CADM2: variants seen among roughly 807,000 people sequenced by gnomAD.
CADM2 encodes the protein immunoglobulin superfamily member 4D.
In CADM2, 12 loss-of-function variants were observed where a neutral mutation model predicts 49.8. The ratio of observed to expected loss-of-function variants is 0.24; its 90% CI spans 0.15 to 0.39. CADM2 has a LOEUF of 0.39. CADM2 is among the 10% of genes least tolerant of loss of function. CADM2 has a pLI of 1.00. For synonymous variants in CADM2, 214 were observed against 175.4 expected (o/e 1.22, Z -1.74); for missense variants, 378 against 492.3 (o/e 0.77, Z 2.20).
intron 1 of CADM2, among the ~76,000 whole-genome samples, chr3:85,586,550 C>T (rs2062951698): frequency 6.6e-6 from 1 of 152,038 alleles, no homozygotes; most frequent in South Asian, 2.1e-4. Flanking sequence ...AATACAGTTA[C>T]AAATATTTCC....
chr3:85,902,083 T>C (rs1401676328), intron 5 of CADM2, among the ~76,000 whole-genome samples: 1 of 152,110 alleles, frequency 6.6e-6, no homozygotes. Context: ...AAAACTCTGC[T>C]ATAAAAATTT....
intron 1 of CADM2, among the ~76,000 whole-genome samples, chr3:85,080,740 A>G (rs1253599937): frequency 6.6e-6 from 1 of 151,888 alleles, no homozygotes; most frequent in Non-Finnish European, 1.5e-5. Flanking sequence ...ATTTGAGTAA[A>G]CCTATCCTTG....
At position 86,072,338 on chromosome 3, in the gene CADM2, A is replaced by G. The variant is rs974253770; in HGVS notation, c.*5555A>G. On this transcript the variant is annotated 3_prime_UTR_variant, in exon 10 of 10. Transcript: ENST00000383699. Reference sequence around the variant, plus strand: ...ATAACTCAAGAAACTCAAGTTATATATATATGTCAAGAAATGTATGATTAT... The same window carrying G: ...ATAACTCAAGAAACTCAAGTTATATGTATATGTCAAGAAATGTATGATTAT... 6.6e-6 allele frequency: 1 copy of G among 151,706 alleles called. No individual in the cohort carries two copies. The highest frequency in any genetic ancestry group is 2.4e-5 in the African/African-American group (1 of 41,426). 9.4% of individuals were successfully genotyped at this position (151,706 alleles called of 1,614,324 possible). A position where few individuals can be genotyped will look rare whatever the true frequency, so the allele number is the denominator to read the frequency against.
chr3:85,648,069 G>T (rs1028329578), intron 1 of CADM2, among the ~76,000 whole-genome samples: 9 of 151,670 alleles, frequency 5.9e-5, no homozygotes, highest in Non-Finnish European at 1.0e-4. Context: ...AAACACTTTG[G>T]TCTAAACTTT....
At chr3:85,875,714 G>T (rs1391162341) in intron 3 of CADM2, among the ~76,000 whole-genome samples, 1 of 152,172 alleles carries the variant, frequency 6.6e-6, no homozygotes, top group East Asian at 1.9e-4. Context: ...TAGGAGTAAA[G>T]CAGAGTAAGC....
chr3:85,359,666 A>ATATATATATATATATT, intron 1 of CADM2, among the ~76,000 whole-genome samples: 8 of 26,552 alleles, frequency 3.0e-4, no homozygotes, highest in African/African-American at 6.4e-4. Context: ...ATATATATAT[A>ATATATATATATATATT]TTTTTTTTTT....
intron 8 of CADM2, among the ~76,000 whole-genome samples, chr3:86,041,630 A>C (rs1015470816): frequency 1.3e-5 from 2 of 152,122 alleles, no homozygotes; most frequent in Non-Finnish European, 2.9e-5. Context: ...CACAATAATA[A>C]TGGGAGACTT....
chr3:85,699,359 G>A (rs931649580), intron 1 of CADM2, among the ~76,000 whole-genome samples: 2 of 152,094 alleles, frequency 1.3e-5, no homozygotes, highest in African/African-American at 4.8e-5. Flanking sequence ...ATTCTGTGTG[G>A]GGCTCCAACC....
At chr3:85,405,385 T>C (rs2035321258) in intron 1 of CADM2, among the ~76,000 whole-genome samples, 1 of 152,104 alleles carries the variant, frequency 6.6e-6, no homozygotes, top group Non-Finnish European at 1.5e-5. Flanking sequence ...ATAGCTATTA[T>C]CCCCACACTG....
intron 1 of CADM2, among the ~76,000 whole-genome samples, chr3:85,030,526 GT>G (rs1363092100): frequency 6.6e-6 from 1 of 152,034 alleles, no homozygotes; most frequent in African/African-American, 2.4e-5. Flanking sequence ...AATCATCTTT[GT>G]TTTTATGAAC....
rs528036073 is a variant in CADM2, at chr3:85,273,096, G to GA, written c.61+313437dup. ...AGGAGTGAATAACATGAATACTGGG[G>GA]AAAAAAAAAGGTGTAGTCAGGGAAA... On this transcript the variant is annotated intron_variant, in intron 1 of 9. Transcript: ENST00000383699. Among the ~76,000 whole-genome samples, 9 of 149,400 alleles carry GA rather than the reference G, an allele frequency of 6.0e-5. No individual in the cohort carries two copies. The South Asian group carries it at 6.3e-4, about 10-fold the overall frequency.
At chr3:85,099,485 T>C (rs565082923) in intron 1 of CADM2, among the ~76,000 whole-genome samples, 1 of 151,856 alleles carries the variant, frequency 6.6e-6, no homozygotes, top group Non-Finnish European at 1.5e-5. Flanking sequence ...TTTTTTTTTT[T>C]CTGAGACACA....
chr3:85,007,201 A>G (rs572420321), intron 1 of CADM2, among the ~76,000 whole-genome samples: 2 of 152,182 alleles, frequency 1.3e-5, no homozygotes, highest in Non-Finnish European at 2.9e-5. Flanking sequence ...AAATTCTCGA[A>G]TCAGGTAGTA....
intron 1 of CADM2, among the ~76,000 whole-genome samples, chr3:85,380,802 T>C (rs2033859626): frequency 6.6e-6 from 1 of 151,996 alleles, no homozygotes; most frequent in Non-Finnish European, 1.5e-5. Context: ...AGAATATAAT[T>C]ACTAAGATCA....
Position 86,067,578 on chromosome 3 carries a change from A to G in CADM2, c.*795A>G, listed in dbSNP as rs1249870543. ...TTTCTCTAATTTGATTCTATAATTT[A>G]TTTGCTTCATAAAGATTCACCTGCC... is the stretch of plus-strand genomic sequence containing the variant. On this transcript the variant is annotated 3_prime_UTR_variant, in exon 10 of 10. Coordinates refer to ENST00000383699, the MANE Select transcript of CADM2 (RefSeq NM_001167675.2). The G allele has an allele frequency of 6.6e-6, 1 of 152,518 alleles. No individual in the cohort carries two copies. The highest frequency in any genetic ancestry group is 1.5e-5 in the Non-Finnish European group (1 of 67,938). 9.4% of individuals were successfully genotyped at this position (152,518 alleles called of 1,614,324 possible). A position where few individuals can be genotyped will look rare whatever the true frequency, so the allele number is the denominator to read the frequency against.
At chr3:85,744,252 G>T (rs757224509) in intron 2 of CADM2, among the ~76,000 whole-genome samples, 8 of 151,888 alleles carry the variant, frequency 5.3e-5, no homozygotes, top group Non-Finnish European at 1.2e-4. Context: ...ATGACTAATG[G>T]GTACAAATAA....
At chr3:85,284,785 T>C (rs190102896) in intron 1 of CADM2, among the ~76,000 whole-genome samples, 1 of 152,146 alleles carries the variant, frequency 6.6e-6, no homozygotes, top group Admixed American at 6.6e-5. Flanking sequence ...TTGTAGGCTA[T>C]ATAAATAAGC....
chr3:85,047,568 A>G (rs1014157360), intron 1 of CADM2, among the ~76,000 whole-genome samples: 1 of 152,184 alleles, frequency 6.6e-6, no homozygotes, highest in Non-Finnish European at 1.5e-5. Flanking sequence ...TATTGAATAC[A>G]TACTGTATGC....
intron 1 of CADM2, among the ~76,000 whole-genome samples, chr3:85,297,802 A>C (rs1339933886): frequency 1.3e-5 from 2 of 152,106 alleles, no homozygotes; most frequent in East Asian, 3.9e-4. Flanking sequence ...TATTTGCATA[A>C]TTTTGAACGA....
Sources: gnomAD v4.1 joint callset for allele counts (sites outside exome capture counted in the v4.1 genomes callset) on GRCh38, gnomAD v4.1.1 for gene constraint, MANE v1.5 for transcripts, NCBI Gene and HGNC (gene_info 2026-07-23, HGNC 2026-07-21) for gene names.